Variants in BRIP1 observed in about 807,000 individuals in gnomAD.
BRIP1 encodes BRCA1 interacting DNA helicase 1, also known as Fanconi anemia group J protein.
Under a neutral mutation model 119.7 loss-of-function variants are expected in BRIP1, and 88 were observed. The observed-to-expected ratio is 0.74, with a 90% CI of 0.62 to 0.88. BRIP1 has a LOEUF of 0.88. BRIP1 is among the 40% of genes least tolerant of loss of function. The probability of loss-of-function intolerance (pLI) is 0.00; values close to 1 mark genes in which losing one functional copy is unlikely to be tolerated. For synonymous variants in BRIP1, 443 were observed against 496.5 expected, an observed-to-expected ratio of 0.89 and a Z score of 1.43; for missense variants, 1,259 against 1,455.4, an observed-to-expected ratio of 0.87 and a Z score of 2.20.
rs587780251 is a variant in BRIP1, at chr17:61,849,223, A to G, written c.413T>C (p.Leu138Ser). ...TATGGATGCCTGTTTCTTAGCAGATAACTTTGCAGCCAGAGTGGTTTTTTC... is the reference window on the plus strand; with the variant it reads ...TATGGATGCCTGTTTCTTAGCAGATGACTTTGCAGCCAGAGTGGTTTTTTC... ...SPEKTTLAAK[L>S]SAKKQASIYR... is the part of the protein sequence containing the mutation. Residue 138 changes from leucine (L) to serine (S), a missense_variant, in exon 5 of 20, where the codon TTA becomes TCA. Coordinates refer to ENST00000259008, the MANE Select transcript of BRIP1 (RefSeq NM_032043.3). The G allele has an allele frequency of 6.3e-5, 102 of 1,613,066 alleles. No individual in the cohort carries two copies. Among genetic ancestry groups the G allele is most frequent in the African/African-American group, 8.0e-5 (6 of 74,890 alleles).
Position 61,685,926 on chromosome 17 carries a change from C to T in BRIP1, c.2815G>A (p.Ala939Thr), listed in dbSNP as rs2061354305. ...TGTAGTTCCTGGACACATATCTTTG[C>T]TTCATCTTCCACAAAATTTTCTGGT... is the stretch of plus-strand genomic sequence containing the variant. ...LSPENFVEDE[A>T]KICVQELQCP... The change falls in exon 19 of 20, where the codon GCA becomes ACA. Residue 939 changes from alanine to threonine, a missense_variant. Coordinates refer to ENST00000259008, the MANE Select transcript of BRIP1 (RefSeq NM_032043.3). The T allele has an allele frequency of 6.2e-7, 1 of 1,614,032 alleles. No homozygotes were observed. The highest frequency in any genetic ancestry group is 8.5e-7 in the Non-Finnish European group (1 of 1,179,932).
chr17:61,821,642 G>C (rs1018827552), intron 6 of BRIP1, among the ~76,000 whole-genome samples: 1 of 151,892 alleles, frequency 6.6e-6, no homozygotes, highest in Non-Finnish European at 1.5e-5. Context: ...CAATCCTCCT[G>C]CCTCAGCTTC....
intron 6 of BRIP1, among the ~76,000 whole-genome samples, chr17:61,840,372 A>G (rs899631886): frequency 2.0e-5 from 3 of 151,590 alleles, no homozygotes; most frequent in Non-Finnish European, 4.4e-5. Flanking sequence ...AAAAAAAAAA[A>G]AAAGAAAAGG....
rs989297065 is a variant in BRIP1 at position 61,695,033 on chromosome 17, A to G, written c.2493-1521T>C. Among the ~76,000 whole-genome samples, 1 of 151,900 alleles carries G rather than the reference A, an allele frequency of 6.6e-6. No homozygotes were observed. Among genetic ancestry groups the G allele is most frequent in the Non-Finnish European group, 1.5e-5 (1 of 67,906 alleles). On this transcript the variant is annotated intron_variant, in intron 17 of 19. Transcript: ENST00000259008. This position sits in a 1 kb window ranked among gnomAD's most constrained non-coding sequence, Gnocchi z 4.3. Reference sequence around the variant, plus strand: ...AAAATTTGAACTGTAACAAAGTCCAATTTATCTGCTTTTTCTTTGGTTGCT... The same window carrying G: ...AAAATTTGAACTGTAACAAAGTCCAGTTTATCTGCTTTTTCTTTGGTTGCT...
chr17:61,693,504 C>T lies in BRIP1; in HGVS notation c.2501G>A (p.Arg834Lys), dbSNP rs2061479079. 2 of 1,611,154 alleles carry T rather than the reference C, an allele frequency of 1.2e-6. No individual in the cohort carries two copies. Among genetic ancestry groups the T allele is most frequent in the Admixed American group, 3.3e-5 (2 of 59,972 alleles). ...ALNQALGRCI[R>K]HRNDWGALIL... ...AAGAGCTCCCCAATCATTTCTGTGTCTAATACATCTAGAAAAAATAGGGAA... is the reference window on the plus strand; with the variant it reads ...AAGAGCTCCCCAATCATTTCTGTGTTTAATACATCTAGAAAAAATAGGGAA... The change falls in exon 18 of 20, where the codon AGA (arginine) becomes AAA (lysine). Residue 834 changes from arginine (R) to lysine (K), a missense_variant. This residue lies in a region of BRIP1 where 753 missense variants were observed against 891.8 expected (regional missense o/e 0.84). Coordinates refer to ENST00000259008, the MANE Select transcript of BRIP1 (RefSeq NM_032043.3). The surrounding 1 kb of genome is among the most constrained non-coding windows in gnomAD (Gnocchi z 4.2).
rs1398637423 is a variant in BRIP1, at chr17:61,735,131, G to GGGAATAGGA, written c.2379+7873_2379+7881dup. Among the ~76,000 whole-genome samples the GGGAATAGGA allele has an allele frequency of 6.6e-6, 1 of 152,126 alleles. No individual in the cohort carries two copies. The highest frequency in any genetic ancestry group is 2.4e-5 in the African/African-American group (1 of 41,420). ...ATTTAGATCATCATCTCTTTTCATA[G>GGGAATAGGA]GGAATAGGAGTATGGCAGACACACC... On this transcript the variant is annotated intron_variant, in intron 16 of 19. Coordinates refer to ENST00000259008, the MANE Select transcript of BRIP1 (RefSeq NM_032043.3). The surrounding 1 kb of genome is among the most constrained non-coding windows in gnomAD (Gnocchi z 4.4).
rs1187577488 is a variant in BRIP1, at chr17:61,684,836, C to G, written c.2906-696G>C. 2.6e-5 allele frequency: 4 copies of G among 152,132 alleles called. No homozygotes were observed. The East Asian group carries it at 7.7e-4, about 29-fold the overall frequency. The allele number at this position is 152,132 out of a possible 1,614,324, so 9.4% of individuals were successfully genotyped here. A position where few individuals can be genotyped will look rare whatever the true frequency, so the allele number is the denominator to read the frequency against. ...TGGCGCAATCCTGGCTCACTGCAAC[C>G]TCCACCTCCCAGTTCAAGCAATTCT... On this transcript the variant is annotated intron_variant, in intron 19 of 19. Coordinates refer to ENST00000259008, the MANE Select transcript of BRIP1 (RefSeq NM_032043.3). This position sits in a 1 kb window ranked among gnomAD's most constrained non-coding sequence, Gnocchi z 4.5.
rs1249754579 is a variant in BRIP1 at position 61,802,837 on chromosome 17, C to A, written c.919-1363G>T. Among the ~76,000 whole-genome samples, 1 of 152,108 alleles carries A rather than the reference C, an allele frequency of 6.6e-6. No homozygotes were observed. The highest frequency in any genetic ancestry group is 1.5e-5 in the Non-Finnish European group (1 of 68,002). On this transcript the variant is annotated intron_variant, in intron 7 of 19. Transcript: ENST00000259008. The surrounding 1 kb of genome is among the most constrained non-coding windows in gnomAD (Gnocchi z 6.0). Reference sequence around the variant, plus strand: ...GACGCTACAAGGTATTTTTAAGTTTCTTGAAAACATATAGTGAAATTATCC... The same window carrying A: ...GACGCTACAAGGTATTTTTAAGTTTATTGAAAACATATAGTGAAATTATCC...
intron 6 of BRIP1, among the ~76,000 whole-genome samples, chr17:61,818,198 G>A (rs2078266531): frequency 6.7e-6 from 1 of 149,182 alleles, no homozygotes; most frequent in Non-Finnish European, 1.5e-5. Context: ...AAAAAGGGGG[G>A]AGGGGGGGGA....
chr17:61,768,659 G>A lies in BRIP1; in HGVS notation c.2097+7742C>T, dbSNP rs2077404678. The stretch of plus-strand genomic sequence containing the variant: ...TTCTTACCCTGATAAATTAACCCCT[G>A]TGATAAAAAGTTTATGATAGCCCCT... On this transcript the variant is annotated intron_variant, in intron 14 of 19. Transcript: ENST00000259008. The surrounding 1 kb of genome is among the most constrained non-coding windows in gnomAD (Gnocchi z 5.0). 6.6e-6 allele frequency among the ~76,000 whole-genome samples: 1 copy of A among 152,006 alleles called. No homozygotes were observed. Among genetic ancestry groups the A allele is most frequent in the African/African-American group, 2.4e-5 (1 of 41,374 alleles).
intron 6 of BRIP1, among the ~76,000 whole-genome samples, chr17:61,833,214 G>A (rs2078518313): frequency 1.3e-5 from 2 of 152,046 alleles, no homozygotes; most frequent in African/African-American, 2.4e-5. Flanking sequence ...TTTCATTAAT[G>A]TATCTACACA....
At position 61,793,381 on chromosome 17, in the gene BRIP1, C is replaced by G. The variant is rs2077848152; in HGVS notation, c.1473+216G>C. 6.6e-6 allele frequency among the ~76,000 whole-genome samples: 1 copy of G among 152,064 alleles called. No homozygotes were observed. The highest frequency in any genetic ancestry group is 6.5e-5 in the Admixed American group (1 of 15,274). On this transcript the variant is annotated intron_variant, in intron 10 of 19. Coordinates refer to ENST00000259008, the MANE Select transcript of BRIP1 (RefSeq NM_032043.3). The surrounding 1 kb of genome is among the most constrained non-coding windows in gnomAD (Gnocchi z 5.2). Reference sequence around the variant, plus strand: ...ACAAAGCAATTAATCCCTTTAAAGACTAATTTCCTTCAAACTAAATAATGC... The same window carrying G: ...ACAAAGCAATTAATCCCTTTAAAGAGTAATTTCCTTCAAACTAAATAATGC...
rs2077000040 is a variant in BRIP1, at chr17:61,742,556, A to G, written c.2379+457T>C. Among the ~76,000 whole-genome samples, 1 of 152,178 alleles carries G rather than the reference A, an allele frequency of 6.6e-6. No homozygotes were observed. Among genetic ancestry groups the G allele is most frequent in the South Asian group, 2.1e-4 (1 of 4,830 alleles). On this transcript the variant is annotated intron_variant, in intron 16 of 19. Coordinates refer to ENST00000259008, the MANE Select transcript of BRIP1 (RefSeq NM_032043.3). The surrounding 1 kb of genome is among the most constrained non-coding windows in gnomAD (Gnocchi z 4.7). Reference sequence around the variant, plus strand: ...AACACTCTGGGGCCATTGTAGGGTTATTAACTGGCCTAATTTCAGTATTGT... The same window carrying G: ...AACACTCTGGGGCCATTGTAGGGTTGTTAACTGGCCTAATTTCAGTATTGT...
Position 61,745,892 on chromosome 17 carries a change from T to C in BRIP1, c.2098-1301A>G, listed in dbSNP as rs755999658. Among the ~76,000 whole-genome samples the C allele has an allele frequency of 4.6e-5, 7 of 152,124 alleles. No individual in the cohort carries two copies. The highest frequency in any genetic ancestry group is 5.9e-5 in the Non-Finnish European group (4 of 68,016). ...TTCCAAGAAGCTAGAAAATGAAATA[T>C]AGCAAATGCAAAGAAAGAAGTTAAT... On this transcript the variant is annotated intron_variant, in intron 14 of 19. Coordinates refer to ENST00000259008, the MANE Select transcript of BRIP1 (RefSeq NM_032043.3). The surrounding 1 kb of genome is among the most constrained non-coding windows in gnomAD (Gnocchi z 4.4).
intron 6 of BRIP1, among the ~76,000 whole-genome samples, chr17:61,840,069 G>GA (rs1267368213): frequency 6.6e-6 from 1 of 152,128 alleles, no homozygotes; most frequent in East Asian, 1.9e-4. Flanking sequence ...GATATCAAAA[G>GA]AATTTTTGGC....
In BRIP1 at chr17:61,816,842, A is replaced by T. The variant is rs1040715914; in HGVS notation, c.628-8085T>A. Among the ~76,000 whole-genome samples, 4 of 152,222 alleles carry T rather than the reference A, an allele frequency of 2.6e-5. No individual in the cohort carries two copies. The highest frequency in any genetic ancestry group is 9.7e-5 in the African/African-American group (4 of 41,448). On this transcript the variant is annotated intron_variant, in intron 6 of 19. Transcript: ENST00000259008. The surrounding 1 kb of genome is among the most constrained non-coding windows in gnomAD (Gnocchi z 5.0). The stretch of plus-strand genomic sequence containing the variant: ...CTTCTTTAAATAAGAATGCCAGCTA[A>T]GAATTGTAAATAAAATGATAGAATT...
rs1489317863 is a variant in BRIP1 at position 61,857,603 on chromosome 17, A to T, written c.206-372T>A. On this transcript the variant is annotated intron_variant, in intron 3 of 19. Transcript: ENST00000259008. This position sits in a 1 kb window ranked among gnomAD's most constrained non-coding sequence, Gnocchi z 5.1. ...GCCAGGCGTGGTAGTGCACGCCTGT[A>T]ATACCACCTACTCAGGAGGCTGAGG... 6.6e-6 allele frequency among the ~76,000 whole-genome samples: 1 copy of T among 152,158 alleles called. No homozygotes were observed. Among genetic ancestry groups the T allele is most frequent in the Non-Finnish European group, 1.5e-5 (1 of 68,030 alleles).
rs1412712482 is a variant in BRIP1, at chr17:61,700,658, C to T, written c.2493-7146G>A. Among the ~76,000 whole-genome samples the T allele has an allele frequency of 2.6e-5, 4 of 152,098 alleles. No individual in the cohort carries two copies. Among genetic ancestry groups the T allele is most frequent in the Admixed American group, 2.6e-4 (4 of 15,270 alleles). ...CTGAGTTCATCCTACTTGGAGTTCGCTTATCTTCTTGGATGTATAAATTAA... is the reference window on the plus strand; with the variant it reads ...CTGAGTTCATCCTACTTGGAGTTCGTTTATCTTCTTGGATGTATAAATTAA... On this transcript the variant is annotated intron_variant, in intron 17 of 19. Coordinates refer to ENST00000259008, the MANE Select transcript of BRIP1 (RefSeq NM_032043.3). The surrounding 1 kb of genome is among the most constrained non-coding windows in gnomAD (Gnocchi z 4.1).
rs144940449 is a variant in BRIP1, at chr17:61,808,533, G to T, written c.852C>A (p.Val284=). Residue 284 remains valine, a synonymous_variant, in exon 7 of 20, where the codon GTC becomes GTA. Transcript: ENST00000259008. This position sits in a 1 kb window ranked among gnomAD's most constrained non-coding sequence, Gnocchi z 4.1. ...TGAAGTTACCGACTACCTCAGGATG[G>T]ACACAAGTATGATCCCTGCTGGAAA... ...TILSSRDHTC[V]HPEVVGNFNR... 1 of 1,613,632 alleles carries T rather than the reference G, an allele frequency of 6.2e-7. No individual in the cohort carries two copies. The highest frequency in any genetic ancestry group is 8.5e-7 in the Non-Finnish European group (1 of 1,179,668).
Sources: gnomAD v4.1 joint callset for allele counts (sites outside exome capture counted in the v4.1 genomes callset) on GRCh38, gnomAD v4.1.1 for gene constraint, gnomAD v4.1.1 regional missense constraint, Gnocchi (gnomAD v3.1) non-coding constraint, MANE v1.5 for transcripts, NCBI Gene and HGNC (gene_info 2026-07-23, HGNC 2026-07-21) for gene names.